Variants in AP4S1 observed in about 807,000 individuals in gnomAD.
The protein encoded by AP4S1 is adaptor related protein complex 4 subunit sigma 1, also known as AP-4 complex subunit sigma-1.
In AP4S1, 23 loss-of-function variants were observed where a neutral mutation model predicts 19.8. The ratio of observed to expected loss-of-function variants is 1.16; its 90% CI spans 0.84 to 1.65. The LOEUF (loss-of-function observed/expected upper bound fraction) is 1.65, where lower values mean the gene tolerates loss of function less well. AP4S1 is among the 40% of genes most tolerant of loss of function. The probability of loss-of-function intolerance (pLI) is 0.00; values close to 1 mark genes in which losing one functional copy is unlikely to be tolerated. For synonymous variants in AP4S1, 46 were observed against 54.1 expected (o/e 0.85, Z 0.66); for missense variants, 166 against 172.8 (o/e 0.96, Z 0.22).
chr14:31,065,051 TTTGATAAA>T (rs1288306672), intron 1 of AP4S1, among the ~76,000 whole-genome samples: 2 of 152,220 alleles, frequency 1.3e-5, no homozygotes, highest in African/African-American at 4.8e-5. Context: ...CCTGGAGGAA[TTTGATAAA>T]TTGATATCAC....
chr14:31,072,978 G>A lies in AP4S1; in HGVS notation c.294+5G>A. 2 of 1,612,798 alleles carry A rather than the reference G, an allele frequency of 1.2e-6. No individual in the cohort carries two copies. Among genetic ancestry groups the A allele is most frequent in the Non-Finnish European group, 1.7e-6 (2 of 1,178,794 alleles). Reference sequence around the variant, plus strand: ...GATGAGTATTTCAGCCGAGTGGTAAGTCTAATGGCTAAAAAATGGTTTACT... The same window carrying A: ...GATGAGTATTTCAGCCGAGTGGTAAATCTAATGGCTAAAAAATGGTTTACT... On this transcript the variant is annotated splice_donor_5th_base_variant and intron_variant, in intron 4 of 5. Transcript: ENST00000542754.
At chr14:31,084,508 C>T (rs980263288) in intron 5 of AP4S1, among the ~76,000 whole-genome samples, 3 of 152,232 alleles carry the variant, frequency 2.0e-5, no homozygotes, top group Middle Eastern at 3.2e-3. Flanking sequence ...GTTGAAAAGC[C>T]TTCCATTTAG....
Position 31,027,928 on chromosome 14 carries a change from T to A in AP4S1, c.-72+2141T>A, listed in dbSNP as rs150460964. On this transcript the variant is annotated intron_variant, in intron 1 of 5. Coordinates refer to ENST00000542754, the MANE Select transcript of AP4S1 (RefSeq NM_001128126.3). ...ATTGAAAATTTGTTACTTTTTAAAA[T>A]TTTTTTTCTTTACTGCAAAAGCCAA... Among the ~76,000 whole-genome samples the A allele has an allele frequency of 2.0e-3, 311 of 152,218 alleles. 5 individuals are homozygous for A. The East Asian group carries it at 0.031, about 15-fold the overall frequency.
chr14:31,065,276 C>A (rs1009241541), intron 1 of AP4S1, among the ~76,000 whole-genome samples: 1 of 152,186 alleles, frequency 6.6e-6, no homozygotes, highest in Non-Finnish European at 1.5e-5. Flanking sequence ...GTTTTCTCTG[C>A]CTCAGTCTTC....
chr14:31,069,782 T>C, intron 2 of AP4S1, 61 bp from the exon 3 acceptor site: 4 of 1,254,030 alleles, frequency 3.2e-6, no homozygotes, highest in Non-Finnish European at 3.5e-6. Context: ...AACTTACGCA[T>C]GTCATTTTAA....
At chr14:31,043,192 G>T (rs12588822) in intron 1 of AP4S1, among the ~76,000 whole-genome samples, 1 of 150,888 alleles carries the variant, frequency 6.6e-6, no homozygotes, top group Non-Finnish European at 1.5e-5. Flanking sequence ...CTGCACTCTA[G>T]CCTGGGTGAC....
At position 31,049,282 on chromosome 14, in the gene AP4S1, C is replaced by T. The variant is rs193221444; in HGVS notation, c.-71-16844C>T. On this transcript the variant is annotated intron_variant, in intron 1 of 5. Coordinates refer to ENST00000542754, the MANE Select transcript of AP4S1 (RefSeq NM_001128126.3). Reference sequence around the variant, plus strand: ...ACAAAAAATTAGCCAGGCGTGGTGGCGGGTGCCTGTAGCCCCAGCTACTCG... The same window carrying T: ...ACAAAAAATTAGCCAGGCGTGGTGGTGGGTGCCTGTAGCCCCAGCTACTCG... Among the ~76,000 whole-genome samples the T allele has an allele frequency of 1.3e-4, 20 of 150,256 alleles. 1 individual carries two copies. Among genetic ancestry groups the T allele is most frequent in the African/African-American group, 4.6e-4 (19 of 40,950 alleles).
intron 5 of AP4S1, among the ~76,000 whole-genome samples, chr14:31,091,894 A>G (rs1888087209): frequency 6.6e-6 from 1 of 152,232 alleles, no homozygotes; most frequent in Admixed American, 6.5e-5. Flanking sequence ...AAGTAGACAG[A>G]GAACTTCAGA....
chr14:31,065,995 G>A (rs1886695483), intron 1 of AP4S1, 131 bp from the exon 2 acceptor site: 2 of 513,144 alleles, frequency 3.9e-6, no homozygotes, highest in Non-Finnish European at 6.9e-6. Flanking sequence ...TTAGTTCATA[G>A]GAATAAAGAC....
At chr14:31,077,745 T>TC (rs1278670882) in intron 4 of AP4S1, among the ~76,000 whole-genome samples, 2 of 150,360 alleles carry the variant, frequency 1.3e-5, no homozygotes, top group Non-Finnish European at 3.0e-5. Flanking sequence ...TTTTCTTTTT[T>TC]TTTTTTTTTG....
At chr14:31,051,056 A>T (rs1885761574) in intron 1 of AP4S1, among the ~76,000 whole-genome samples, 1 of 151,796 alleles carries the variant, frequency 6.6e-6, no homozygotes, top group Non-Finnish European at 1.5e-5. Context: ...GGAGTTCAAA[A>T]CCAGCCTAGG....
At chr14:31,039,499 A>G (rs1884973245) in intron 1 of AP4S1, among the ~76,000 whole-genome samples, 1 of 150,310 alleles carries the variant, frequency 6.7e-6, no homozygotes, top group Non-Finnish European at 1.5e-5. Context: ...TGTAGCTTTT[A>G]AAAACACTTA....
chr14:31,042,170 T>C (rs11628884), intron 1 of AP4S1, among the ~76,000 whole-genome samples: 17,134 of 152,294 alleles, frequency 0.11, 1,108 homozygotes, highest in South Asian at 0.25. Flanking sequence ...CCCTTGGCAC[T>C]AAAACCAAAT....
chr14:31,075,089 T>C (rs1046602693), intron 4 of AP4S1, among the ~76,000 whole-genome samples: 2 of 152,224 alleles, frequency 1.3e-5, no homozygotes, highest in African/African-American at 2.4e-5. Context: ...TTATTAACCA[T>C]AGTCACCCTA....
At chr14:31,069,485 A>C (rs1391868844) in intron 2 of AP4S1, among the ~76,000 whole-genome samples, 1 of 152,246 alleles carries the variant, frequency 6.6e-6, no homozygotes, top group Non-Finnish European at 1.5e-5. Context: ...GGTGAGAAGA[A>C]GAAAATCTTT....
intron 3 of AP4S1, among the ~76,000 whole-genome samples, chr14:31,071,861 G>A (rs959361627): frequency 1.3e-5 from 2 of 151,578 alleles, no homozygotes; most frequent in South Asian, 2.1e-4. Context: ...GACTACAGGC[G>A]CACACCAAGA....
At chr14:31,059,191 T>G (rs1886296267) in intron 1 of AP4S1, among the ~76,000 whole-genome samples, 1 of 152,236 alleles carries the variant, frequency 6.6e-6, no homozygotes, top group Non-Finnish European at 1.5e-5. Flanking sequence ...TAAAATTGTC[T>G]AATGTTTAAG....
chr14:31,057,148 T>G (rs539137437), intron 1 of AP4S1, among the ~76,000 whole-genome samples: 10 of 152,264 alleles, frequency 6.6e-5, no homozygotes, highest in Admixed American at 2.6e-4. Flanking sequence ...TGTGATAGAT[T>G]AAAGACAGCA....
At chr14:31,065,677 T>C (rs1435391958) in intron 1 of AP4S1, among the ~76,000 whole-genome samples, 1 of 152,238 alleles carries the variant, frequency 6.6e-6, no homozygotes, top group African/African-American at 2.4e-5. Context: ...ATGTATTTTT[T>C]TGAGACAGGG....
Sources: gnomAD v4.1 joint callset for allele counts (sites outside exome capture counted in the v4.1 genomes callset) on GRCh38, gnomAD v4.1.1 for gene constraint, MANE v1.5 for transcripts, NCBI Gene and HGNC (gene_info 2026-07-23, HGNC 2026-07-21) for gene names.